The following FOXP2 variants were observed in gnomAD, a reference collection of about 807,000 sequenced individuals.
FOXP2 encodes the protein forkhead box protein P2.
A neutral mutation model predicts 115.8 loss-of-function variants in FOXP2; 12 were observed. The ratio of observed to expected loss-of-function variants is 0.10; its 90% CI spans 0.07 to 0.17. FOXP2 has a LOEUF of 0.17. Ranked by LOEUF, FOXP2 falls within the 10% of genes least tolerant of loss-of-function variation. FOXP2 has a pLI of 1.00. For missense variants in FOXP2, 629 were observed against 843.5 expected, an observed-to-expected ratio of 0.75 and a Z score of 3.15; for synonymous variants, 328 against 297.7, an observed-to-expected ratio of 1.10 and a Z score of -1.05.
chr7:114,100,168 T>A (rs1221592626), intron 1 of FOXP2, among the ~76,000 whole-genome samples: 1 of 152,232 alleles, frequency 6.6e-6, no homozygotes. Context: ...TATTTTTAGC[T>A]CTGTGCTTTG....
chr7:114,430,207 A>G (rs1049768978), intron 2 of FOXP2, among the ~76,000 whole-genome samples: 1 of 151,754 alleles, frequency 6.6e-6, no homozygotes, highest in Admixed American at 6.6e-5. Context: ...TTAACTTCCT[A>G]TTTGATACGA....
At chr7:114,660,112 G>A (rs934378818) in intron 13 of FOXP2, among the ~76,000 whole-genome samples, 4 of 152,138 alleles carry the variant, frequency 2.6e-5, no homozygotes, top group Non-Finnish European at 5.9e-5. Context: ...AAGCTGCCAC[G>A]GGAGTGAGGG....
chr7:114,086,448 C>T (rs978274336), upstream of FOXP2: 3 of 341,604 alleles, frequency 8.8e-6, no homozygotes, highest in African/African-American at 4.6e-5. Context: ...GCGGCGGCCG[C>T]GTCCGCTGGC....
Position 114,402,225 on chromosome 7 carries a change from G to A in FOXP2, c.-10-24277G>A, listed in dbSNP as rs555104766. 2.0e-5 allele frequency among the ~76,000 whole-genome samples: 3 copies of A among 152,198 alleles called. No homozygotes were observed. In the East Asian group the frequency reaches 5.8e-4, roughly 29 times the overall value. ...GGCCCTCTCTATCATCATTTCTTGA[G>A]GAAAGACCTAATTGACCTTTTTAGG... On this transcript the variant is annotated intron_variant, in intron 2 of 17. Coordinates refer to the FOXP2 transcript ENST00000634411.
chr7:114,682,659 C>CA (rs1808150762), intron 16 of FOXP2, among the ~76,000 whole-genome samples: 1 of 151,764 alleles, frequency 6.6e-6, no homozygotes, highest in African/African-American at 2.4e-5. Context: ...TATAATGGGG[C>CA]AAAAAGAGAA....
intron 1 of FOXP2, among the ~76,000 whole-genome samples, chr7:114,194,117 T>C (rs1231423267): frequency 1.3e-5 from 2 of 152,070 alleles, no homozygotes; most frequent in African/African-American, 2.4e-5. Flanking sequence ...GGAAAAAAAA[T>C]TGGGAGCCCA....
At chr7:114,269,318 T>A (rs1795978251) in intron 1 of FOXP2, among the ~76,000 whole-genome samples, 1 of 152,216 alleles carries the variant, frequency 6.6e-6, no homozygotes. Flanking sequence ...AACATGGAAG[T>A]ATTTTGCGTT....
Position 114,662,016 on chromosome 7 carries a change from T to C in FOXP2, c.1648-49T>C, listed in dbSNP as rs1236232411. 1.9e-6 allele frequency: 3 copies of C among 1,607,828 alleles called. No individual in the cohort carries two copies. The Admixed American group carries it at 5.0e-5, about 27-fold the overall frequency. On this transcript the variant is annotated intron_variant, in intron 13 of 16. Coordinates refer to ENST00000350908, the MANE Select transcript of FOXP2 (RefSeq NM_014491.4). ...TAATGTAGTATGTTGGGCTGCCTTA[T>C]TAGACAATATTATTTTTGCCATTTT...
At chr7:114,176,429 C>T (rs1187970195) in intron 1 of FOXP2, among the ~76,000 whole-genome samples, 1 of 149,632 alleles carries the variant, frequency 6.7e-6, no homozygotes, top group Admixed American at 6.6e-5. Context: ...GCCTCAACCT[C>T]CCAGGTTCAG....
At chr7:114,216,471 T>C (rs1200125460) in intron 1 of FOXP2, among the ~76,000 whole-genome samples, 1 of 152,144 alleles carries the variant, frequency 6.6e-6, no homozygotes, top group African/African-American at 2.4e-5. Flanking sequence ...GAGTTAAAAA[T>C]AATAAGAAAA....
chr7:114,205,097 G>T (rs1436054414), intron 1 of FOXP2, among the ~76,000 whole-genome samples: 1 of 152,028 alleles, frequency 6.6e-6, no homozygotes, highest in African/African-American at 2.4e-5. Context: ...AGATTTAAAA[G>T]TGATAATTTT....
chr7:114,295,757 C>T (rs778651145), intron 2 of FOXP2, among the ~76,000 whole-genome samples: 10 of 152,190 alleles, frequency 6.6e-5, no homozygotes, highest in Non-Finnish European at 1.2e-4. Flanking sequence ...ATAAGCAATG[C>T]ATGTGAGAGC....
At chr7:114,329,333 C>T (rs1337217377) in intron 2 of FOXP2, among the ~76,000 whole-genome samples, 1 of 151,918 alleles carries the variant, frequency 6.6e-6, no homozygotes, top group African/African-American at 2.4e-5. Context: ...GCCTTGTCAA[C>T]ATGGTGAAAC....
At chr7:114,581,696 G>T (rs185485779) in intron 3 of FOXP2, among the ~76,000 whole-genome samples, 91 of 152,296 alleles carry the variant, frequency 6.0e-4, no homozygotes, top group Non-Finnish European at 8.4e-4. Flanking sequence ...AATACATGAT[G>T]ACATGTATCC....
At chr7:114,290,588 T>C (rs1241941831) in intron 2 of FOXP2, among the ~76,000 whole-genome samples, 1 of 152,086 alleles carries the variant, frequency 6.6e-6, no homozygotes, top group Non-Finnish European at 1.5e-5. Flanking sequence ...ATGGACTATG[T>C]AGGAAGCTGG....
chr7:114,489,594 T>C (rs753838041), intron 2 of FOXP2, among the ~76,000 whole-genome samples: 4 of 151,992 alleles, frequency 2.6e-5, no homozygotes, highest in African/African-American at 9.6e-5. Flanking sequence ...CTAGATTGTA[T>C]TGGGAGTGAG....
chr7:114,200,593 G>A (rs923275620), intron 1 of FOXP2, among the ~76,000 whole-genome samples: 16 of 152,252 alleles, frequency 1.1e-4, no homozygotes, highest in South Asian at 8.3e-4. Flanking sequence ...AGCTAATACC[G>A]ATATTGATAG....
At chr7:114,281,327 C>T (rs1796333206) in intron 1 of FOXP2, among the ~76,000 whole-genome samples, 1 of 151,976 alleles carries the variant, frequency 6.6e-6, no homozygotes, top group Non-Finnish European at 1.5e-5. Context: ...ATTTCAAACT[C>T]CTGACCTCAA....
intron 1 of FOXP2, among the ~76,000 whole-genome samples, chr7:114,253,781 A>C (rs1231365523): frequency 6.6e-6 from 1 of 152,208 alleles, no homozygotes; most frequent in African/African-American, 2.4e-5. Flanking sequence ...TGGAGCATGT[A>C]GTGCATTTAC....
Sources: allele counts gnomAD v4.1 joint callset (sites outside exome capture counted in the v4.1 genomes callset), GRCh38; gene constraint gnomAD v4.1.1; transcripts MANE v1.5; gene names NCBI Gene and HGNC (gene_info 2026-07-23, HGNC 2026-07-21).